DNAI7: variants seen among roughly 807,000 people sequenced by gnomAD.
DNAI7 encodes dynein axonemal intermediate chain 7.
DNAI7 carries 78 observed loss-of-function variants against 86.6 expected under a neutral mutation model. The ratio of observed to expected loss-of-function variants is 0.90; its 90% CI spans 0.75 to 1.09. The LOEUF (loss-of-function observed/expected upper bound fraction) is 1.09, where lower values mean the gene tolerates loss of function less well. Ranked by LOEUF, DNAI7 falls within the 50% of genes least tolerant of loss-of-function variation. The pLI is 0.00. For missense variants in DNAI7, 753 were observed against 810.2 expected, an observed-to-expected ratio of 0.93 and a Z score of 0.86; for synonymous variants, 274 against 273.0, an observed-to-expected ratio of 1.00 and a Z score of -0.04.
intron 11 of DNAI7, 145 bp downstream of exon 11, chr12:25,121,608 C>A (rs752120884): frequency 6.9e-6 from 4 of 581,556 alleles, no homozygotes; most frequent in Non-Finnish European, 1.1e-5. Flanking sequence ...ATTTTCAATA[C>A]CAATACATTT....
At chr12:25,134,942 C>G (rs371271836) in intron 9 of DNAI7, among the ~76,000 whole-genome samples, 257 of 152,232 alleles carry the variant, frequency 1.7e-3, no homozygotes, top group African/African-American at 5.9e-3. Context: ...AAAAGTATTG[C>G]CATTTAGGAA....
At chr12:25,167,177 A>T (rs1050978381) in intron 2 of DNAI7, among the ~76,000 whole-genome samples, 10 of 152,190 alleles carry the variant, frequency 6.6e-5, no homozygotes, top group African/African-American at 2.2e-4. Context: ...AGGCTATGCT[A>T]TAGTACAAGC....
chr12:25,181,440 C>T (rs1023708102), intron 2 of DNAI7, among the ~76,000 whole-genome samples: 1 of 151,980 alleles, frequency 6.6e-6, no homozygotes, highest in African/African-American at 2.4e-5. Context: ...CTATAAAAAC[C>T]CTAAAAGAAA....
chr12:25,108,008 A>T (rs748286354), downstream of DNAI7: 1 of 1,613,860 alleles, frequency 6.2e-7, no homozygotes, highest in Non-Finnish European at 8.5e-7. Flanking sequence ...TCTCTAGAAC[A>T]TATCTTGTGG....
chr12:25,156,274 C>T lies in DNAI7; in HGVS notation c.199-862G>A, dbSNP rs533739823. 2.0e-5 allele frequency among the ~76,000 whole-genome samples: 3 copies of T among 152,282 alleles called. No homozygotes were observed. In the South Asian group the frequency reaches 6.2e-4, roughly 32 times the overall value. ...GACAATACTGTCTTGAGAAATATCA[C>T]TTGTGCAATTATTTGACTAATTTGG... On this transcript the variant is annotated intron_variant, in intron 4 of 15. Transcript: ENST00000395987.
At chr12:25,130,199 G>A (rs1217370318) in intron 9 of DNAI7, among the ~76,000 whole-genome samples, 1 of 152,042 alleles carries the variant, frequency 6.6e-6, no homozygotes, top group Non-Finnish European at 1.5e-5. Flanking sequence ...TCAATAGCAG[G>A]TATTTGGTAA....
intron 9 of DNAI7, among the ~76,000 whole-genome samples, chr12:25,140,830 C>T (rs925837398): frequency 6.6e-6 from 1 of 152,056 alleles, no homozygotes; most frequent in Admixed American, 6.6e-5. Flanking sequence ...GCTATAGTCA[C>T]CAAAACAGCA....
intron 2 of DNAI7, among the ~76,000 whole-genome samples, chr12:25,164,490 C>A (rs1947207947): frequency 6.6e-6 from 1 of 152,138 alleles, no homozygotes; most frequent in African/African-American, 2.4e-5. Flanking sequence ...TGACCTAAAA[C>A]CTAAATGCCT....
chr12:25,183,015 A>G (rs1259786134), intron 2 of DNAI7, among the ~76,000 whole-genome samples: 1 of 151,864 alleles, frequency 6.6e-6, no homozygotes, highest in African/African-American at 2.4e-5. Context: ...AAGGAAGGAA[A>G]GAAGGAAAAT....
chr12:25,147,197 C>A, intron 7 of DNAI7, 93 bp from the exon 8 acceptor site: 1 of 671,004 alleles, frequency 1.5e-6, no homozygotes, highest in South Asian at 1.9e-5. Flanking sequence ...TGTTGGATTC[C>A]CTTTATTAAT....
At chr12:25,130,984 G>A (rs528670524) in intron 9 of DNAI7, among the ~76,000 whole-genome samples, 1 of 152,090 alleles carries the variant, frequency 6.6e-6, no homozygotes, top group East Asian at 1.9e-4. Context: ...CTAAATACTT[G>A]TTATTTGTGA....
chr12:25,119,025 C>T, intron 12 of DNAI7, 120 bp downstream of exon 12: 1 of 782,026 alleles, frequency 1.3e-6, no homozygotes, highest in South Asian at 2.7e-5. Flanking sequence ...AAACAAGACC[C>T]TTGAATTGGC....
intron 13 of DNAI7, 116 bp from the exon 14 acceptor site, chr12:25,112,055 A>G: frequency 1.9e-6 from 1 of 525,430 alleles, no homozygotes; most frequent in East Asian, 3.3e-5. Context: ...ATCACTCTAT[A>G]TTAGAAAGAA....
chr12:25,112,470 G>A (rs1242151529), intron 13 of DNAI7, among the ~76,000 whole-genome samples: 5 of 131,278 alleles, frequency 3.8e-5, no homozygotes, highest in Middle Eastern at 5.2e-3. Flanking sequence ...GCAGTGGTGT[G>A]ATCTTGGCTC....
chr12:25,146,112 C>T (rs1944795773), intron 8 of DNAI7, among the ~76,000 whole-genome samples: 1 of 151,866 alleles, frequency 6.6e-6, no homozygotes, highest in African/African-American at 2.4e-5. Context: ...ATCCCAGCTA[C>T]TCAGGAGGCT....
chr12:25,165,384 G>A (rs754402807), intron 2 of DNAI7, among the ~76,000 whole-genome samples: 3 of 152,150 alleles, frequency 2.0e-5, no homozygotes, highest in Non-Finnish European at 4.4e-5. Flanking sequence ...GCAGCTGCTG[G>A]GGTTACTCTA....
chr12:25,165,515 T>C (rs1007679689), intron 2 of DNAI7, among the ~76,000 whole-genome samples: 11 of 152,158 alleles, frequency 7.2e-5, no homozygotes, highest in East Asian at 5.8e-4. Context: ...CCACTGAAAA[T>C]TGGACTGTTC....
rs1469276263 is a variant in DNAI7 at position 25,150,019 on chromosome 12, A to G, written c.439-245T>C. Among the ~76,000 whole-genome samples the G allele has an allele frequency of 2.6e-5, 4 of 152,220 alleles. 1 individual carries two copies. Among genetic ancestry groups the G allele is most frequent in the Non-Finnish European group, 5.9e-5 (4 of 68,044 alleles). ...AGTCTATAGTGTTAGACGTTCAGAA[A>G]TGAAGGGGGAAGGTGGGGTGAAGAA... On this transcript the variant is annotated intron_variant, in intron 6 of 15. Transcript: ENST00000395987.
chr12:25,191,619 G>A (rs549859938), intron 1 of DNAI7, among the ~76,000 whole-genome samples: 96 of 152,088 alleles, frequency 6.3e-4, no homozygotes, highest in Non-Finnish European at 1.3e-3. Context: ...CAGGAGAGTC[G>A]CTTGAACCTG....
Sources: gnomAD v4.1 joint callset for allele counts (sites outside exome capture counted in the v4.1 genomes callset) on GRCh38, gnomAD v4.1.1 for gene constraint, MANE v1.5 for transcripts, NCBI Gene and HGNC (gene_info 2026-07-23, HGNC 2026-07-21) for gene names.